Variants in CACNG3 observed in about 807,000 individuals in gnomAD.
CACNG3 encodes voltage-dependent calcium channel gamma-3 subunit.
In CACNG3, 3 loss-of-function variants were observed where a neutral mutation model predicts 28.5. That is an observed-to-expected ratio of 0.11 (90% CI 0.05 to 0.27). The LOEUF (loss-of-function observed/expected upper bound fraction) is 0.27, where lower values mean the gene tolerates loss of function less well. CACNG3 is among the 10% of genes least tolerant of loss of function. CACNG3 has a pLI of 1.00. For missense variants in CACNG3, 236 were observed against 414.4 expected, an observed-to-expected ratio of 0.57 and a Z score of 3.74; for synonymous variants, 174 against 162.2, an observed-to-expected ratio of 1.07 and a Z score of -0.55.
chr16:24,271,140 T>C (rs1164927907), intron 1 of CACNG3, among the ~76,000 whole-genome samples: 1 of 152,226 alleles, frequency 6.6e-6, no homozygotes, highest in South Asian at 2.1e-4. Flanking sequence ...GAATTCACCA[T>C]GGCTGAGTCT....
chr16:24,282,707 T>C (rs1294862062), intron 1 of CACNG3, among the ~76,000 whole-genome samples: 1 of 152,216 alleles, frequency 6.6e-6, no homozygotes, highest in Non-Finnish European at 1.5e-5. Context: ...TGAATTTACC[T>C]TTTATTAAAC....
intron 1 of CACNG3, among the ~76,000 whole-genome samples, chr16:24,301,225 A>T (rs949828908): frequency 2.6e-5 from 4 of 151,100 alleles, no homozygotes; most frequent in Admixed American, 2.6e-4. Flanking sequence ...AAAAAAAAGC[A>T]TATGAGCTCA....
rs79705949 is a variant in CACNG3 at position 24,347,922 on chromosome 16, C to G, written c.295+1105C>G. 8.0e-3 allele frequency among the ~76,000 whole-genome samples: 1,219 copies of G among 152,286 alleles called. 19 individuals carry two copies. Among genetic ancestry groups the G allele is most frequent in the African/African-American group, 0.028 (1,173 of 41,548 alleles). The stretch of plus-strand genomic sequence containing the variant: ...TAATGTCATCCATCTGACAGGGTCA[C>G]AAAAATTAGCCGGGGCCCAACACAT... On this transcript the variant is annotated intron_variant, in intron 2 of 3. Transcript: ENST00000005284.
rs114078271 is a variant in CACNG3, at chr16:24,294,137, C to A, written c.211+37172C>A. 7.6e-3 allele frequency among the ~76,000 whole-genome samples: 1,159 copies of A among 152,288 alleles called. 16 individuals are homozygous for A. The highest frequency in any genetic ancestry group is 0.027 in the African/African-American group (1,133 of 41,560). On this transcript the variant is annotated intron_variant, in intron 1 of 3. Coordinates refer to ENST00000005284, the MANE Select transcript of CACNG3 (RefSeq NM_006539.4). ...GTGCACCTGATCGTAGGTGCAGAAG[C>A]AGGAAGAAAAATCTACATAGCAGCA...
intron 1 of CACNG3, among the ~76,000 whole-genome samples, chr16:24,268,124 A>C (rs57816832): frequency 0.045 from 6,782 of 152,280 alleles, 486 homozygotes; most frequent in African/African-American, 0.16. Flanking sequence ...ATTTTATAAA[A>C]TGCACATAGT....
intron 1 of CACNG3, among the ~76,000 whole-genome samples, chr16:24,319,626 T>TTTAG: frequency 6.6e-6 from 1 of 151,818 alleles, no homozygotes; most frequent in East Asian, 1.9e-4. Flanking sequence ...AATTTATTTA[T>TTTAG]TTATTTTCAT....
chr16:24,339,259 C>T lies in CACNG3; in HGVS notation c.212-7475C>T, dbSNP rs2141376942. ...CATAGTAAATGTGATTTTAAAATGCCAGTACCACAATGACTTAATTATTAC... is the reference window on the plus strand; with the variant it reads ...CATAGTAAATGTGATTTTAAAATGCTAGTACCACAATGACTTAATTATTAC... On this transcript the variant is annotated intron_variant, in intron 1 of 3. Coordinates refer to ENST00000005284, the MANE Select transcript of CACNG3 (RefSeq NM_006539.4). Among the ~76,000 whole-genome samples, 2 of 152,216 alleles carry T rather than the reference C, an allele frequency of 1.3e-5. 1 individual carries two copies. The highest frequency in any genetic ancestry group is 4.1e-4 in the South Asian group (2 of 4,822).
intron 1 of CACNG3, among the ~76,000 whole-genome samples, chr16:24,259,104 T>C (rs957580207): frequency 1.3e-5 from 2 of 152,192 alleles, no homozygotes; most frequent in Non-Finnish European, 2.9e-5. Flanking sequence ...AGACATAACC[T>C]TGGGCAGGTG....
At chr16:24,274,450 G>C (rs1280313209) in intron 1 of CACNG3, among the ~76,000 whole-genome samples, 1 of 152,144 alleles carries the variant, frequency 6.6e-6, no homozygotes, top group Admixed American at 6.5e-5. Context: ...ATTTTCCTGG[G>C]ATAAATAGAT....
chr16:24,353,957 T>G (rs1006418376), intron 2 of CACNG3, among the ~76,000 whole-genome samples: 4 of 151,790 alleles, frequency 2.6e-5, no homozygotes, highest in African/African-American at 9.7e-5. Flanking sequence ...CTTTGAGAGG[T>G]TGAGGCAGGA....
chr16:24,326,153 C>G (rs2141371673), intron 1 of CACNG3, among the ~76,000 whole-genome samples: 1 of 146,062 alleles, frequency 6.8e-6, no homozygotes, highest in East Asian at 2.0e-4. Context: ...TAACATTTTT[C>G]TTTTTTGTTT....
chr16:24,316,053 A>G (rs1899347926), intron 1 of CACNG3, among the ~76,000 whole-genome samples: 1 of 152,124 alleles, frequency 6.6e-6, no homozygotes, highest in South Asian at 2.1e-4. Flanking sequence ...ATGCTACAGC[A>G]AATTAGTGAG....
intron 1 of CACNG3, among the ~76,000 whole-genome samples, chr16:24,311,508 C>CAAA (rs11308886): frequency 1.4e-5 from 2 of 141,472 alleles, no homozygotes; most frequent in Non-Finnish European, 3.1e-5. Context: ...GACTACATTT[C>CAAA]AAAAAAAAAA....
At chr16:24,303,248 T>C (rs1899138202) in intron 1 of CACNG3, among the ~76,000 whole-genome samples, 1 of 152,172 alleles carries the variant, frequency 6.6e-6, no homozygotes, top group Non-Finnish European at 1.5e-5. Context: ...TCTGTCACAA[T>C]CTAGGAAACT....
At chr16:24,332,092 CT>C (rs1334773581) in intron 1 of CACNG3, among the ~76,000 whole-genome samples, 2 of 152,188 alleles carry the variant, frequency 1.3e-5, no homozygotes. Flanking sequence ...ATTTTGTTCA[CT>C]GATAAATTTC....
chr16:24,268,761 G>C (rs1364067731), intron 1 of CACNG3, among the ~76,000 whole-genome samples: 1 of 152,184 alleles, frequency 6.6e-6, no homozygotes, highest in Admixed American at 6.5e-5. Context: ...TTCTACGCTG[G>C]AGTTGGGGTG....
At chr16:24,279,336 C>A (rs12919566) in intron 1 of CACNG3, among the ~76,000 whole-genome samples, 12,190 of 152,108 alleles carry the variant, frequency 0.08, 898 homozygotes, top group East Asian at 0.39. Flanking sequence ...CTCTGTTGGC[C>A]GGGCTGGAGT....
rs146488645 is a variant in CACNG3, at chr16:24,324,778, G to C, written c.212-21956G>C. Among the ~76,000 whole-genome samples the C allele has an allele frequency of 2.9e-3, 443 of 152,024 alleles. 2 individuals are homozygous for C. The highest frequency in any genetic ancestry group is 9.9e-3 in the African/African-American group (409 of 41,446). On this transcript the variant is annotated intron_variant, in intron 1 of 3. Coordinates refer to ENST00000005284, the MANE Select transcript of CACNG3 (RefSeq NM_006539.4). Reference sequence around the variant, plus strand: ...CCCTCTACTCTGCTGTTCCCTACTGGGTCTCTTCTGTTCCTCCATGCCCCA... The same window carrying C: ...CCCTCTACTCTGCTGTTCCCTACTGCGTCTCTTCTGTTCCTCCATGCCCCA...
At chr16:24,317,952 C>T (rs189356927) in intron 1 of CACNG3, among the ~76,000 whole-genome samples, 1 of 152,160 alleles carries the variant, frequency 6.6e-6, no homozygotes, top group Non-Finnish European at 1.5e-5. Flanking sequence ...GATGCTCTCC[C>T]GCTCATCTTA....
Sources: allele counts gnomAD v4.1 joint callset (sites outside exome capture counted in the v4.1 genomes callset), GRCh38; gene constraint gnomAD v4.1.1; transcripts MANE v1.5; gene names NCBI Gene and HGNC (gene_info 2026-07-23, HGNC 2026-07-21).